Variants in TRIM71 observed in about 807,000 individuals in gnomAD.
TRIM71 encodes E3 ubiquitin-protein ligase TRIM71.
Under a neutral mutation model 61.2 loss-of-function variants are expected in TRIM71, and 9 were observed. That is an observed-to-expected ratio of 0.15 (90% CI 0.09 to 0.26). The LOEUF (loss-of-function observed/expected upper bound fraction) is 0.26, where lower values mean the gene tolerates loss of function less well. Among genes scored for constraint, TRIM71 ranks in the 10% least tolerant of loss-of-function variants. The pLI, the probability that TRIM71 is intolerant of heterozygous loss-of-function variation, is 1.00. For synonymous variants in TRIM71, 645 were observed against 553.2 expected (o/e 1.17, Z -2.33); for missense variants, 998 against 1,238.7 (o/e 0.81, Z 2.92).
intron 1 of TRIM71, among the ~76,000 whole-genome samples, chr3:32,832,369 G>C (rs1696282497): frequency 6.6e-6 from 1 of 152,188 alleles, no homozygotes; most frequent in Non-Finnish European, 1.5e-5. Context: ...GAGAGGGCCT[G>C]AGGTGGGAGG....
intron 1 of TRIM71, among the ~76,000 whole-genome samples, chr3:32,871,822 A>C (rs952065034): frequency 6.6e-6 from 1 of 152,238 alleles, no homozygotes; most frequent in Admixed American, 6.5e-5. Context: ...TAGGAAAGTT[A>C]CAAACCTTAC....
At chr3:32,835,625 A>G (rs746303644) in intron 1 of TRIM71, among the ~76,000 whole-genome samples, 1 of 152,158 alleles carries the variant, frequency 6.6e-6, no homozygotes, top group Non-Finnish European at 1.5e-5. Flanking sequence ...TGTGAGTATA[A>G]TATTTGATGT....
At chr3:32,871,258 C>T (rs75695281) in intron 1 of TRIM71, among the ~76,000 whole-genome samples, 7,118 of 152,196 alleles carry the variant, frequency 0.047, 399 homozygotes, top group East Asian at 0.23. Context: ...CCAGTACTCA[C>T]TAGCCATGGA....
At chr3:32,852,605 G>A (rs1307852057) in intron 1 of TRIM71, among the ~76,000 whole-genome samples, 1 of 152,256 alleles carries the variant, frequency 6.6e-6, no homozygotes, top group African/African-American at 2.4e-5. Flanking sequence ...TAGGGGATAG[G>A]GAGCCATTGA....
intron 1 of TRIM71, among the ~76,000 whole-genome samples, chr3:32,829,711 A>G (rs1349791599): frequency 6.6e-6 from 1 of 151,912 alleles, no homozygotes; most frequent in Non-Finnish European, 1.5e-5. Flanking sequence ...ATCACAAGAA[A>G]GGCCTTAAGT....
chr3:32,859,226 AG>A (rs1696638997), intron 1 of TRIM71, among the ~76,000 whole-genome samples: 1 of 152,188 alleles, frequency 6.6e-6, no homozygotes, highest in Admixed American at 6.5e-5. Flanking sequence ...TTGCAAAAAG[AG>A]GAAAAACATG....
chr3:32,849,282 C>T (rs1190826588), intron 1 of TRIM71, among the ~76,000 whole-genome samples: 1 of 152,162 alleles, frequency 6.6e-6, no homozygotes, highest in African/African-American at 2.4e-5. Flanking sequence ...GAAACGCTGG[C>T]ACTGCAGTTT....
chr3:32,853,929 A>C (rs996806996), intron 1 of TRIM71, among the ~76,000 whole-genome samples: 1 of 152,162 alleles, frequency 6.6e-6, no homozygotes, highest in Non-Finnish European at 1.5e-5. Context: ...ATTTGAACTC[A>C]AGAGGCGGGG....
intron 1 of TRIM71, among the ~76,000 whole-genome samples, chr3:32,826,541 G>A (rs996086512): frequency 2.0e-5 from 3 of 146,972 alleles, no homozygotes; most frequent in Non-Finnish European, 4.5e-5. Flanking sequence ...ACTAATCCTA[G>A]ATGGTTCCTA....
chr3:32,890,908 C>T lies in TRIM71; in HGVS notation c.1704C>T (p.Asn568=). The T allele has an allele frequency of 6.2e-7, 1 of 1,614,200 alleles. No individual in the cohort carries two copies. Among genetic ancestry groups the T allele is most frequent in the Non-Finnish European group, 8.5e-7 (1 of 1,180,036 alleles). The change falls in exon 4 of 4, where the codon AAC becomes AAT. Residue 568 remains asparagine, a synonymous_variant. Coordinates refer to ENST00000383763, the MANE Select transcript of TRIM71 (RefSeq NM_001039111.3). This position sits in a 1 kb window ranked among gnomAD's most constrained non-coding sequence, Gnocchi z 6.2. The part of the protein sequence containing the change: ...GEHLVSVTLC[N]QHIENSPFKV... ...ACCTGGTATCTGTGACACTGTGCAACCAGCACATTGAGAACAGCCCTTTCA... is the reference window on the plus strand; with the variant it reads ...ACCTGGTATCTGTGACACTGTGCAATCAGCACATTGAGAACAGCCCTTTCA...
rs540857495 is a variant in TRIM71 at position 32,861,458 on chromosome 3, C to T, written c.853-12360C>T. Among the ~76,000 whole-genome samples the T allele has an allele frequency of 2.7e-4, 40 of 148,586 alleles. No individual in the cohort carries two copies. The South Asian group carries it at 8.8e-3, about 33-fold the overall frequency. On this transcript the variant is annotated intron_variant, in intron 1 of 3. Coordinates refer to ENST00000383763, the MANE Select transcript of TRIM71 (RefSeq NM_001039111.3). Reference sequence around the variant, plus strand: ...ATAAATAAATAAATTGTTGGCCAGGCGCGGTGGCTCACGCCTGTAATCCAA... The same window carrying T: ...ATAAATAAATAAATTGTTGGCCAGGTGCGGTGGCTCACGCCTGTAATCCAA...
intron 1 of TRIM71, among the ~76,000 whole-genome samples, chr3:32,854,079 C>T (rs1240268313): frequency 2.0e-5 from 3 of 152,134 alleles, no homozygotes; most frequent in Non-Finnish European, 2.9e-5. Context: ...ACCTCTGCCT[C>T]CTGGGTTCAA....
chr3:32,848,099 G>A (rs757839828), intron 1 of TRIM71, among the ~76,000 whole-genome samples: 38 of 152,168 alleles, frequency 2.5e-4, no homozygotes, highest in South Asian at 4.1e-4. Context: ...CACAGATAAC[G>A]AGAGACGACT....
At chr3:32,861,136 T>C (rs912703980) in intron 1 of TRIM71, among the ~76,000 whole-genome samples, 2 of 151,566 alleles carry the variant, frequency 1.3e-5, no homozygotes, top group Non-Finnish European at 2.9e-5. Context: ...GATCGTGTCA[T>C]TGTACTCCAG....
At chr3:32,829,908 A>C (rs1398854130) in intron 1 of TRIM71, among the ~76,000 whole-genome samples, 3 of 150,924 alleles carry the variant, frequency 2.0e-5, no homozygotes, top group African/African-American at 7.3e-5. Flanking sequence ...CTTAATACTA[A>C]ATTTACTGCC....
chr3:32,843,289 G>A (rs1696432808), intron 1 of TRIM71, among the ~76,000 whole-genome samples: 1 of 152,010 alleles, frequency 6.6e-6, no homozygotes, highest in South Asian at 2.1e-4. Context: ...GGTAATTGAG[G>A]GTTGATCTTG....
intron 1 of TRIM71, among the ~76,000 whole-genome samples, chr3:32,871,227 T>A (rs1188456794): frequency 6.6e-6 from 1 of 152,056 alleles, no homozygotes; most frequent in Admixed American, 6.5e-5. Flanking sequence ...ATTGGACAGA[T>A]GGTTCCATAG....
intron 2 of TRIM71, among the ~76,000 whole-genome samples, chr3:32,875,306 T>A (rs1430684552): frequency 6.6e-6 from 1 of 152,264 alleles, no homozygotes; most frequent in Non-Finnish European, 1.5e-5. Context: ...TGTGTAACTT[T>A]GATAATTGGC....
chr3:32,822,938 TAAAA>T (rs547221520), intron 1 of TRIM71, among the ~76,000 whole-genome samples: 2 of 152,322 alleles, frequency 1.3e-5, no homozygotes, highest in African/African-American at 4.8e-5. Context: ...AACAAATTTT[TAAAA>T]AAAATTTTTT....
Sources: allele counts gnomAD v4.1 joint callset (sites outside exome capture counted in the v4.1 genomes callset), GRCh38; gene constraint gnomAD v4.1.1; non-coding constraint Gnocchi (gnomAD v3.1); transcripts MANE v1.5; gene names NCBI Gene and HGNC (gene_info 2026-07-23, HGNC 2026-07-21).